Variants in MSH4 observed in about 807,000 individuals in gnomAD.
The protein encoded by MSH4 is mutS homolog 4.
A neutral mutation model predicts 113.7 loss-of-function variants in MSH4; 106 were observed. That is an observed-to-expected ratio of 0.93 (90% CI 0.80 to 1.10). MSH4 has a LOEUF of 1.10. Among genes scored for constraint, MSH4 ranks in the 50% least tolerant of loss-of-function variants. MSH4 has a pLI of 0.00. For missense variants in MSH4, 1,061 were observed against 1,093.7 expected (o/e 0.97, Z 0.42); for synonymous variants, 368 against 380.2 (o/e 0.97, Z 0.37).
chr1:75,841,384 G>GCCAGGGT (rs1387660641), intron 7 of MSH4, among the ~76,000 whole-genome samples: 1 of 151,976 alleles, frequency 6.6e-6, no homozygotes, highest in Non-Finnish European at 1.5e-5. Context: ...TTTTTGTAGA[G>GCCAGGGT]CCAGGGTCTT....
At chr1:75,892,410 C>T (rs1248877430) in intron 17 of MSH4, among the ~76,000 whole-genome samples, 1 of 152,010 alleles carries the variant, frequency 6.6e-6, no homozygotes, top group Non-Finnish European at 1.5e-5. Context: ...CTCTCTCACT[C>T]TCACTCCTGC....
chr1:75,896,394 C>CACACACACACA (rs571761055), intron 17 of MSH4, among the ~76,000 whole-genome samples: 8 of 147,158 alleles, frequency 5.4e-5, no homozygotes, highest in South Asian at 2.2e-4. Context: ...CACACACACA[C>CACACACACACA]CCTATTGGTC....
intron 7 of MSH4, among the ~76,000 whole-genome samples, chr1:75,823,186 C>G (rs182406001): frequency 6.6e-6 from 1 of 152,168 alleles, no homozygotes; most frequent in Non-Finnish European, 1.5e-5. Flanking sequence ...GGTTTTCTCC[C>G]TGCGTGTCTT....
chr1:75,904,896 A>G (rs1248490384), intron 19 of MSH4, among the ~76,000 whole-genome samples: 1 of 151,998 alleles, frequency 6.6e-6, no homozygotes, highest in Non-Finnish European at 1.5e-5. Flanking sequence ...GTTGTTTACA[A>G]TAGTCTCTAA....
intron 5 of MSH4, among the ~76,000 whole-genome samples, chr1:75,815,962 C>T (rs1377126770): frequency 1.3e-5 from 2 of 150,706 alleles, no homozygotes; most frequent in African/African-American, 4.9e-5. Flanking sequence ...GAGCCGAGAT[C>T]ACACCACTGT....
intron 8 of MSH4, among the ~76,000 whole-genome samples, chr1:75,852,518 T>C (rs747987887): frequency 2.0e-5 from 3 of 152,214 alleles, no homozygotes; most frequent in Non-Finnish European, 4.4e-5. Context: ...AGGGTTCTGA[T>C]TTCTCCACAT....
chr1:75,800,072 CAAGTG>C (rs1489759328), intron 1 of MSH4, among the ~76,000 whole-genome samples: 3 of 152,060 alleles, frequency 2.0e-5, no homozygotes, highest in Non-Finnish European at 4.4e-5. Flanking sequence ...AGAATTAAGA[CAAGTG>C]AATGAGTTTC....
chr1:75,800,101 TAGTCTAAA>T (rs774987182), intron 1 of MSH4, among the ~76,000 whole-genome samples: 24 of 152,134 alleles, frequency 1.6e-4, no homozygotes, highest in Admixed American at 3.9e-4. Flanking sequence ...AAAGGGTATA[TAGTCTAAA>T]AGTAGTCTGA....
At chr1:75,902,733 A>ATATATATATATG (rs1465500851) in intron 19 of MSH4, among the ~76,000 whole-genome samples, 1 of 93,078 alleles carries the variant, frequency 1.1e-5, no homozygotes, top group African/African-American at 3.9e-5. Flanking sequence ...ATATATATAT[A>ATATATATATATG]TAGTTCTTTT....
At chr1:75,830,998 T>C (rs936068442) in intron 7 of MSH4, among the ~76,000 whole-genome samples, 5 of 152,122 alleles carry the variant, frequency 3.3e-5, no homozygotes, top group African/African-American at 1.2e-4. Context: ...GACTGGCAAG[T>C]TGGATAAAGA....
intron 8 of MSH4, 132 bp from the exon 9 acceptor site, chr1:75,867,382 G>T: frequency 1.7e-6 from 1 of 590,416 alleles, no homozygotes; most frequent in Non-Finnish European, 2.9e-6. Flanking sequence ...CATTCTTTAG[G>T]CTTGCATTGC....
chr1:75,853,943 G>A (rs1651251807), intron 8 of MSH4, among the ~76,000 whole-genome samples: 1 of 145,956 alleles, frequency 6.9e-6, no homozygotes, highest in African/African-American at 2.5e-5. Flanking sequence ...TTGAGCACCA[G>A]GTGTACTTAT....
rs1434496217 is a variant in MSH4, at chr1:75,866,394, GC to G, written c.1231-1119del. Among the ~76,000 whole-genome samples the G allele has an allele frequency of 2.0e-5, 3 of 152,164 alleles. No individual in the cohort carries two copies. The East Asian group carries it at 5.8e-4, about 29-fold the overall frequency. ...GCCCAGGCTGGTCTCAAACTCTTGAGCTCAAGTGATCCTCCTACCTCAGACT... is the reference window on the plus strand; with the variant it reads ...GCCCAGGCTGGTCTCAAACTCTTGAGTCAAGTGATCCTCCTACCTCAGACT... On this transcript the variant is annotated intron_variant, in intron 8 of 19. Coordinates refer to ENST00000263187, the MANE Select transcript of MSH4 (RefSeq NM_002440.4).
rs1297322942 is a variant in MSH4 at position 75,819,577 on chromosome 1, A to C, written c.990-2832A>C. On this transcript the variant is annotated intron_variant, in intron 6 of 19. Transcript: ENST00000263187. ...GGAATCATGTCCGTCTTATATGCCC[A>C]GTGTTTAGCATAGAGTTTTGAATAC... Among the ~76,000 whole-genome samples the C allele has an allele frequency of 2.6e-5, 4 of 152,246 alleles. No homozygotes were observed. In the East Asian group the frequency reaches 7.7e-4, roughly 29 times the overall value.
rs757708300 is a variant in MSH4 at position 75,898,038 on chromosome 1, T to G, written c.2487T>G (p.Tyr829Ter). Residue 829 changes from tyrosine (Y) to a stop codon, truncating the protein, a stop_gained, in exon 18 of 20, where the codon TAT becomes TAG. Coordinates refer to ENST00000263187, the MANE Select transcript of MSH4 (RefSeq NM_002440.4). LOFTEE classifies it high-confidence loss of function. ...NTSRNKEAIL[Y>*]TYKLSKGLTE... ...CAAGAAATAAAGAAGCAATTTTGTA[T>G]ACCTACAAACTTTCTAAGGGACTCA... 2 of 1,602,210 alleles carry G rather than the reference T, an allele frequency of 1.2e-6. No homozygotes were observed. The highest frequency in any genetic ancestry group is 2.7e-5 in the African/African-American group (2 of 74,596).
At chr1:75,850,643 G>A (rs1026519322) in intron 8 of MSH4, among the ~76,000 whole-genome samples, 14 of 152,028 alleles carry the variant, frequency 9.2e-5, no homozygotes, top group South Asian at 2.1e-4. Context: ...TGGTTGGAGC[G>A]TTCCATAAAT....
At chr1:75,862,720 A>G (rs1651485345) in intron 8 of MSH4, among the ~76,000 whole-genome samples, 1 of 152,200 alleles carries the variant, frequency 6.6e-6, no homozygotes, top group Admixed American at 6.5e-5. Flanking sequence ...TCTTAATTGA[A>G]TACAGTATTT....
intron 7 of MSH4, among the ~76,000 whole-genome samples, chr1:75,846,327 T>C (rs982919335): frequency 6.6e-6 from 1 of 152,188 alleles, no homozygotes; most frequent in Admixed American, 6.5e-5. Context: ...AGGCTAAGAG[T>C]TTTCATAATT....
chr1:75,818,288 C>T (rs948501275), intron 6 of MSH4, among the ~76,000 whole-genome samples: 1 of 152,092 alleles, frequency 6.6e-6, no homozygotes, highest in African/African-American at 2.4e-5. Context: ...ATGTCCTGGC[C>T]TCTATCAACT....
Sources: gnomAD v4.1 joint callset for allele counts (sites outside exome capture counted in the v4.1 genomes callset) on GRCh38, gnomAD v4.1.1 for gene constraint, MANE v1.5 for transcripts, NCBI Gene and HGNC (gene_info 2026-07-23, HGNC 2026-07-21) for gene names.